The following UBE4B variants were observed in gnomAD, a reference collection of about 807,000 sequenced individuals.
UBE4B encodes the protein ubiquitin conjugation factor E4 B.
In UBE4B, 27 loss-of-function variants were observed where a neutral mutation model predicts 148.1. That is an observed-to-expected ratio of 0.18 (90% confidence interval 0.13 to 0.25). The LOEUF is 0.25. Ranked by LOEUF, UBE4B falls within the 10% of genes least tolerant of loss-of-function variation. UBE4B has a pLI of 1.00. For synonymous variants in UBE4B, 596 were observed against 619.3 expected (o/e 0.96, Z 0.56); for missense variants, 1,170 against 1,662.4 (o/e 0.70, Z 5.15).
chr1:10,147,203 C>A, intron 19 of UBE4B, 113 bp downstream of exon 19: 2 of 1,520,086 alleles, frequency 1.3e-6, no homozygotes, highest in Non-Finnish European at 1.8e-6. Context: ...CAAGAATTCA[C>A]TTCTCTGCAA....
chr1:10,092,561 C>T (rs1644865177), intron 2 of UBE4B, among the ~76,000 whole-genome samples: 2 of 151,954 alleles, frequency 1.3e-5, no homozygotes, highest in South Asian at 2.1e-4. Flanking sequence ...GGCACCGTGG[C>T]TTATGCCTGT....
intron 1 of UBE4B, chr1:10,059,566 T>G (rs1644245708): frequency 4.7e-6 from 1 of 214,960 alleles, no homozygotes; most frequent in Non-Finnish European, 9.9e-6. Flanking sequence ...CAGGAGGAGC[T>G]TGAAGCCCAT....
At chr1:10,062,721 G>C (rs61650275) in intron 1 of UBE4B, among the ~76,000 whole-genome samples, 42,868 of 152,068 alleles carry the variant, frequency 0.28, 9,181 homozygotes, top group African/African-American at 0.6. Flanking sequence ...TTTTGGGTGA[G>C]TGAGGCAAGT....
intron 1 of UBE4B, among the ~76,000 whole-genome samples, chr1:10,057,765 T>G (rs890117469): frequency 1.3e-5 from 2 of 149,544 alleles, no homozygotes; most frequent in African/African-American, 2.5e-5. Context: ...AAAAGAAAAA[T>G]GTATTTTGCT....
chr1:10,055,503 C>T (rs989161085), intron 1 of UBE4B, among the ~76,000 whole-genome samples: 3 of 151,936 alleles, frequency 2.0e-5, no homozygotes, highest in Non-Finnish European at 4.4e-5. Context: ...TTTTTTGTAG[C>T]GATGGGGTCT....
chr1:10,107,556 CT>C (rs1053837386), intron 7 of UBE4B, among the ~76,000 whole-genome samples: 9 of 147,876 alleles, frequency 6.1e-5, no homozygotes, highest in African/African-American at 2.0e-4. Context: ...GGAGAATTTT[CT>C]TTTTTTCTTT....
chr1:10,166,918 C>G (rs935686366), intron 23 of UBE4B, among the ~76,000 whole-genome samples: 7 of 150,274 alleles, frequency 4.7e-5, no homozygotes, highest in Non-Finnish European at 8.9e-5. Flanking sequence ...GAGTGAGACC[C>G]TGTCTCAAAA....
chr1:10,128,925 G>A (rs1487278561), intron 11 of UBE4B: 1 of 152,912 alleles, frequency 6.5e-6, no homozygotes, highest in Non-Finnish European at 1.5e-5. Context: ...ACCAAGTTAT[G>A]TTTTTAAATA....
intron 1 of UBE4B, among the ~76,000 whole-genome samples, chr1:10,046,158 A>G (rs1383272216): frequency 6.6e-6 from 1 of 151,558 alleles, no homozygotes; most frequent in Non-Finnish European, 1.5e-5. Flanking sequence ...TGCACAGATC[A>G]CTCCTGTTTA....
At chr1:10,173,250 G>A (rs371357491) in intron 25 of UBE4B, among the ~76,000 whole-genome samples, 1 of 151,992 alleles carries the variant, frequency 6.6e-6, no homozygotes, top group Non-Finnish European at 1.5e-5. Context: ...AGGCCGAGGC[G>A]GGTGGATCAC....
chr1:10,134,009 C>T (rs1247010333), intron 15 of UBE4B, among the ~76,000 whole-genome samples: 1 of 150,664 alleles, frequency 6.6e-6, no homozygotes, highest in Admixed American at 6.6e-5. Flanking sequence ...ATGTTTGCAC[C>T]ACTGCACTAC....
chr1:10,061,900 ATCT>A (rs1000236240), intron 1 of UBE4B, among the ~76,000 whole-genome samples: 8 of 147,242 alleles, frequency 5.4e-5, no homozygotes, highest in Admixed American at 1.3e-4. Context: ...TCCTGGCTTT[ATCT>A]TCTTTTTTCT....
chr1:10,112,482 C>T (rs966587832), intron 7 of UBE4B, among the ~76,000 whole-genome samples: 1 of 152,214 alleles, frequency 6.6e-6, no homozygotes, highest in African/African-American at 2.4e-5. Flanking sequence ...TCACTGTAAC[C>T]TCCATCTCCC....
chr1:10,080,074 G>A (rs540001391), intron 2 of UBE4B, among the ~76,000 whole-genome samples: 2 of 152,170 alleles, frequency 1.3e-5, no homozygotes, highest in East Asian at 1.9e-4. Context: ...TCAGGCTCCC[G>A]GCTATGCATT....
Position 10,137,171 on chromosome 1 carries a change from A to G in UBE4B, c.2329A>G (p.Ile777Val). Residue 777 changes from isoleucine (I) to valine (V), a missense_variant, in exon 17 of 28, where the codon ATC (isoleucine) becomes GTC (valine). By Grantham distance (29) the Ile-to-Val change is conservative. This residue lies in a region of UBE4B where 388 missense variants were observed against 536.0 expected (regional missense o/e 0.72). Transcript: ENST00000343090. ...TATTCTGCCTAGTTGCCGTCGCTATATCCGCAGACTCCGGGCTATCCGGGA... is the reference window on the plus strand; with the variant it reads ...TATTCTGCCTAGTTGCCGTCGCTATGTCCGCAGACTCCGGGCTATCCGGGA... The part of the protein sequence containing the change: ...LSILPSCRRY[I>V]RRLRAIRELN... The G allele has an allele frequency of 6.2e-7, 1 of 1,614,060 alleles. No homozygotes were observed. The highest frequency in any genetic ancestry group is 8.5e-7 in the Non-Finnish European group (1 of 1,180,016).
chr1:10,048,156 G>A (rs1164159173), intron 1 of UBE4B, among the ~76,000 whole-genome samples: 2 of 152,074 alleles, frequency 1.3e-5, no homozygotes, highest in Non-Finnish European at 1.5e-5. Flanking sequence ...TCCTGAATGC[G>A]TTTTGGGAGG....
In UBE4B at chr1:10,151,401, G is replaced by A; in HGVS notation, c.2766G>A (p.Gln922=). Residue 922 remains glutamine, a synonymous_variant, in exon 21 of 28, where the codon CAG becomes CAA. Transcript: ENST00000343090. The part of the protein sequence containing the change: ...VMFLVVMLCN[Q]NYIRNPYLVA... ...TCCTTGTTGTGATGTTGTGCAACCAGAACTACATCCGAAACCCATATTTGG... is the reference window on the plus strand; with the variant it reads ...TCCTTGTTGTGATGTTGTGCAACCAAAACTACATCCGAAACCCATATTTGG... 6.2e-7 allele frequency: 1 copy of A among 1,614,132 alleles called. No individual in the cohort carries two copies. The highest frequency in any genetic ancestry group is 8.5e-7 in the Non-Finnish European group (1 of 1,180,028).
chr1:10,132,369 C>T lies in UBE4B; in HGVS notation c.1912C>T (p.Gln638Ter), dbSNP rs1249527362. The change falls in exon 15 of 28, where the codon CAA (glutamine) becomes TAA (stop). Residue 638 changes from glutamine to a stop codon, truncating the protein, a stop_gained and splice_region_variant. Transcript: ENST00000343090. LOFTEE classifies it high-confidence loss of function. Reference sequence around the variant, plus strand: ...TCTTCTTTTTAAAAATAAATTTCAGCAAGAGCTTTTTAAGATTCTGCATAG... The same window carrying T: ...TCTTCTTTTTAAAAATAAATTTCAGTAAGAGCTTTTTAAGATTCTGCATAG... Reference protein sequence around the residue: ...SLQHYLELGRQELFKILHSIL... With the variant: ...SLQHYLELGR 6.2e-7 allele frequency: 1 copy of T among 1,606,124 alleles called. No homozygotes were observed.
intron 7 of UBE4B, among the ~76,000 whole-genome samples, chr1:10,109,148 A>G (rs1402631789): frequency 6.6e-6 from 1 of 151,948 alleles, no homozygotes; most frequent in East Asian, 1.9e-4. Flanking sequence ...AGCTCTGTCC[A>G]TGTATCAGCC....
Sources: allele counts gnomAD v4.1 joint callset (sites outside exome capture counted in the v4.1 genomes callset), GRCh38; gene constraint gnomAD v4.1.1; regional missense constraint gnomAD v4.1.1; transcripts MANE v1.5; gene names NCBI Gene and HGNC (gene_info 2026-07-23, HGNC 2026-07-21).